Variants in MAP1LC3B observed in about 807,000 individuals in gnomAD.
MAP1LC3B encodes microtubule-associated protein 1 light chain 3 beta.
In MAP1LC3B, 12 loss-of-function variants were observed where a neutral mutation model predicts 16.7. The ratio of observed to expected loss-of-function variants is 0.72; its 90% CI spans 0.46 to 1.16. The LOEUF (loss-of-function observed/expected upper bound fraction) is 1.16. MAP1LC3B is among the 50% of genes most tolerant of loss of function. MAP1LC3B has a pLI of 0.00. For synonymous variants in MAP1LC3B, 63 were observed against 56.5 expected (o/e 1.11, Z -0.51); for missense variants, 155 against 159.5 (o/e 0.97, Z 0.15).
chr16:87,394,044 C>T (rs961731507), intron 1 of MAP1LC3B, among the ~76,000 whole-genome samples: 2 of 152,132 alleles, frequency 1.3e-5, no homozygotes, highest in East Asian at 3.8e-4. Context: ...CTAACACATC[C>T]GAACAAGGAA....
intron 1 of MAP1LC3B, among the ~76,000 whole-genome samples, chr16:87,396,426 GATCGCGCCAC>G (rs1907808162): frequency 1.3e-5 from 2 of 150,376 alleles, no homozygotes; most frequent in Admixed American, 1.3e-4. Context: ...AGTGAGCAGA[GATCGCGCCAC>G]TGCACTCCAG....
chr16:87,400,826 T>C (rs1907965519), intron 2 of MAP1LC3B, among the ~76,000 whole-genome samples: 1 of 151,782 alleles, frequency 6.6e-6, no homozygotes, highest in South Asian at 2.1e-4. Flanking sequence ...CCAAAACACA[T>C]GCATTTACTT....
Position 87,403,997 on chromosome 16 carries a change from T to TCCGGC in MAP1LC3B, c.*901_*905dup, listed in dbSNP as rs1285462958. On this transcript the variant is annotated 3_prime_UTR_variant, in exon 4 of 4. Coordinates refer to ENST00000268607, the MANE Select transcript of MAP1LC3B (RefSeq NM_022818.5). Reference sequence around the variant, plus strand: ...CATTCAGACACACTCCCTTCTGCCTTCCGGCTTAAAGCTGTGGATGATCCA... The same window carrying TCCGGC: ...CATTCAGACACACTCCCTTCTGCCTTCCGGCCCGGCTTAAAGCTGTGGATGATCCA... 2 of 152,264 alleles carry TCCGGC rather than the reference T, an allele frequency of 1.3e-5. No individual in the cohort carries two copies. Among genetic ancestry groups the TCCGGC allele is most frequent in the African/African-American group, 2.4e-5 (1 of 41,546 alleles). 9.4% of individuals were successfully genotyped at this position (152,264 alleles called of 1,614,324 possible).
At chr16:87,398,755 A>G in intron 1 of MAP1LC3B, 60 bp from the exon 2 acceptor site, 1 of 1,430,006 alleles carries the variant, frequency 7.0e-7, no homozygotes. Flanking sequence ...AACCAGCAGC[A>G]GTGCTGGGAA....
At chr16:87,399,297 C>T in intron 2 of MAP1LC3B, 1 of 262,790 alleles carries the variant, frequency 3.8e-6, no homozygotes, top group Admixed American at 5.1e-5. Flanking sequence ...TAGGCATGAG[C>T]CACTGGCTGG....
At chr16:87,401,249 A>T (rs1191106676) in intron 2 of MAP1LC3B, among the ~76,000 whole-genome samples, 2 of 152,046 alleles carry the variant, frequency 1.3e-5, no homozygotes, top group South Asian at 4.2e-4. Flanking sequence ...TGCCTCGGTA[A>T]GGCTTGAGGT....
rs1347427446 is a variant in MAP1LC3B, at chr16:87,392,431, C to A, written c.4C>A (p.Pro2Thr). The A allele has an allele frequency of 1.4e-6, 2 of 1,420,644 alleles. No homozygotes were observed. Among genetic ancestry groups the A allele is most frequent in the Non-Finnish European group, 9.1e-7 (1 of 1,096,670 alleles). 88.0% of individuals were successfully genotyped at this position (1,420,644 alleles called of 1,614,324 possible). Residue 2 changes from proline (P) to threonine (T), a missense_variant, in exon 1 of 4, where the codon CCG becomes ACG. Coordinates refer to ENST00000268607, the MANE Select transcript of MAP1LC3B (RefSeq NM_022818.5). MPSEKTFKQRRT... is the reference protein window; with the variant it reads MTSEKTFKQRRT... ...CCGCCGCCCAGATCCCTGCACCATG[C>A]CGTCGGAGAAGACCTTCAAGCAGCG...
At chr16:87,402,776 G>A (rs8044820) in intron 3 of MAP1LC3B, 147 bp from the exon 4 acceptor site, 861,576 of 930,006 alleles carry the variant, frequency 0.93, 400,283 homozygotes, top group Non-Finnish European at 0.95. Context: ...ATCAAAGGAA[G>A]TGTCCTGTGC....
chr16:87,395,624 G>C (rs1024752182), intron 1 of MAP1LC3B, among the ~76,000 whole-genome samples: 7 of 152,176 alleles, frequency 4.6e-5, no homozygotes, highest in Non-Finnish European at 1.0e-4. Flanking sequence ...CTCAGCACTG[G>C]ATTTTCATTG....
intron 1 of MAP1LC3B, among the ~76,000 whole-genome samples, chr16:87,394,762 T>A (rs773555127): frequency 6.6e-6 from 1 of 152,192 alleles, no homozygotes; most frequent in Admixed American, 6.5e-5. Flanking sequence ...GTGTTGGAAA[T>A]ATTGAATGAA....
At chr16:87,401,810 A>T (rs1908002109) in intron 2 of MAP1LC3B, among the ~76,000 whole-genome samples, 1 of 148,950 alleles carries the variant, frequency 6.7e-6, no homozygotes, top group South Asian at 2.1e-4. Context: ...GATTACAGGC[A>T]TGTGCCACCA....
Position 87,403,240 on chromosome 16 carries a change from G to C in MAP1LC3B, c.*143G>C. 1.1e-6 allele frequency: 1 copy of C among 950,790 alleles called. No individual in the cohort carries two copies. Among genetic ancestry groups the C allele is most frequent in the Non-Finnish European group, 1.5e-6 (1 of 664,720 alleles). The allele number at this position is 950,790 out of a possible 1,614,324, so 58.9% of individuals were successfully genotyped here. ...TCCCACCTAGGAGTGTTAGGAAGTT[G>C]TGTTTGTGTTTCAAGCAGAAAAACT... On this transcript the variant is annotated 3_prime_UTR_variant, in exon 4 of 4. Coordinates refer to ENST00000268607, the MANE Select transcript of MAP1LC3B (RefSeq NM_022818.5).
At chr16:87,396,886 G>A (rs1406671372) in intron 1 of MAP1LC3B, 1 of 152,208 alleles carries the variant, frequency 6.6e-6, no homozygotes, top group Non-Finnish European at 1.5e-5. Context: ...AGAGTGCAGT[G>A]GCGTGATCTC....
Position 87,402,248 on chromosome 16 carries a change from A to T in MAP1LC3B, c.170A>T (p.His57Leu). 1 of 1,614,172 alleles carries T rather than the reference A, an allele frequency of 6.2e-7. No individual in the cohort carries two copies. Among genetic ancestry groups the T allele is most frequent in the Non-Finnish European group, 8.5e-7 (1 of 1,180,020 alleles). Residue 57 changes from histidine to leucine, a missense_variant, in exon 3 of 4, where the codon CAT becomes CTT. Transcript: ENST00000268607. The part of the protein sequence containing the change: ...LDKTKFLVPD[H>L]VNMSELIKII... ...AAAACAAAGTTCCTTGTACCTGACC[A>T]TGTCAACATGAGTGAGCTCATCAAG...
Position 87,404,332 on chromosome 16 carries a change from CTA to C in MAP1LC3B, c.*1237_*1238del, listed in dbSNP as rs1908100304. Reference sequence around the variant, plus strand: ...AATCACAATTACACCACTTTAGACCCTATGTGTAGCAGGTCACAACTTACCCT... The same window carrying C: ...AATCACAATTACACCACTTTAGACCCTGTGTAGCAGGTCACAACTTACCCT... On this transcript the variant is annotated 3_prime_UTR_variant, in exon 4 of 4. Transcript: ENST00000268607. 1 of 152,108 alleles carries C rather than the reference CTA, an allele frequency of 6.6e-6. No individual in the cohort carries two copies. The allele number at this position is 152,108 out of a possible 1,614,324, so 9.4% of individuals were successfully genotyped here.
At chr16:87,396,652 T>C (rs1283269072) in intron 1 of MAP1LC3B, 1 of 152,000 alleles carries the variant, frequency 6.6e-6, no homozygotes, top group Non-Finnish European at 1.5e-5. Context: ...ACAATGGACG[T>C]TTTTATTGTG....
chr16:87,399,512 C>T, intron 2 of MAP1LC3B: 1 of 429,900 alleles, frequency 2.3e-6, no homozygotes, highest in Non-Finnish European at 4.6e-6. Flanking sequence ...CACAATAGAA[C>T]AATGTACAAA....
intron 2 of MAP1LC3B, 162 bp downstream of exon 2, chr16:87,399,032 G>A: frequency 3.2e-6 from 2 of 624,188 alleles, no homozygotes; most frequent in African/African-American, 3.7e-5. Flanking sequence ...AAGAGACAGG[G>A]TCTCACTCTC....
chr16:87,399,109 C>G (rs1457032544), intron 2 of MAP1LC3B: 3 of 510,932 alleles, frequency 5.9e-6, no homozygotes, highest in African/African-American at 5.8e-5. Context: ...TGTGCTCAAG[C>G]AGTCCTCCCT....
Sources: allele counts gnomAD v4.1 joint callset (sites outside exome capture counted in the v4.1 genomes callset), GRCh38; gene constraint gnomAD v4.1.1; transcripts MANE v1.5; gene names NCBI Gene and HGNC (gene_info 2026-07-23, HGNC 2026-07-21).